Variants in CCDC146 observed in about 807,000 individuals in gnomAD.
The protein encoded by CCDC146 is coiled-coil domain containing 146.
CCDC146 carries 92 observed loss-of-function variants against 119.3 expected under a neutral mutation model. The observed-to-expected ratio is 0.77, with a 90% CI of 0.65 to 0.92. The LOEUF is 0.92. Among genes scored for constraint, CCDC146 ranks in the 40% least tolerant of loss-of-function variants. The pLI, the probability that CCDC146 is intolerant of heterozygous loss-of-function variation, is 0.00. For missense variants in CCDC146, 1,000 were observed against 1,103.0 expected, an observed-to-expected ratio of 0.91 and a Z score of 1.32; for synonymous variants, 372 against 371.8, an observed-to-expected ratio of 1.00 and a Z score of -0.01.
At position 77,259,296 on chromosome 7, in the gene CCDC146, C is replaced by A. The variant is rs1584119660; in HGVS notation, c.758+228C>A. 1.2e-5 allele frequency: 5 copies of A among 403,822 alleles called. No homozygotes were observed. The Admixed American group carries it at 1.7e-4, about 13-fold the overall frequency. 25.0% of individuals were successfully genotyped at this position (403,822 alleles called of 1,614,324 possible). ...TTAATTATGGGTCAAGATTCTGTTG[C>A]CAATTTATAAATCATATTTTTATGG... On this transcript the variant is annotated intron_variant, in intron 7 of 18. Transcript: ENST00000285871.
At chr7:77,155,083 A>T (rs914674323) in intron 1 of CCDC146, among the ~76,000 whole-genome samples, 1 of 152,228 alleles carries the variant, frequency 6.6e-6, no homozygotes, top group Non-Finnish European at 1.5e-5. Context: ...GCTGACTGCT[A>T]AATTATTTGG....
At position 77,250,828 on chromosome 7, in the gene CCDC146, CT is replaced by C. The variant is rs145334670; in HGVS notation, c.450-3662del. On this transcript the variant is annotated intron_variant, in intron 4 of 18. Transcript: ENST00000285871. ...TTGGATATTCTGGTATTTTCCTAGTCTTTTTTTTTTTTTTTTCCAGTTTGGG... is the reference window on the plus strand; with the variant it reads ...TTGGATATTCTGGTATTTTCCTAGTCTTTTTTTTTTTTTTTCCAGTTTGGG... 3.8e-3 allele frequency among the ~76,000 whole-genome samples: 500 copies of C among 133,208 alleles called. 3 individuals carry two copies. The highest frequency in any genetic ancestry group is 0.012 in the African/African-American group (436 of 35,738). 87.4% of individuals were successfully genotyped at this position (133,208 alleles called of 152,430 possible).
chr7:77,282,420 A>AG, intron 14 of CCDC146, 137 bp from the exon 15 acceptor site: 1 of 626,236 alleles, frequency 1.6e-6, no homozygotes, highest in South Asian at 2.1e-5. Flanking sequence ...CTAGAAAGCC[A>AG]TTGGTGACTA....
intron 9 of CCDC146, among the ~76,000 whole-genome samples, chr7:77,266,332 C>T (rs907469509): frequency 2.0e-5 from 3 of 152,172 alleles, no homozygotes; most frequent in African/African-American, 7.2e-5. Flanking sequence ...CTTCATGACT[C>T]ATTTCAGTGT....
At chr7:77,228,160 AT>A (rs1212877709) in intron 2 of CCDC146, among the ~76,000 whole-genome samples, 1 of 152,190 alleles carries the variant, frequency 6.6e-6, no homozygotes, top group African/African-American at 2.4e-5. Context: ...ACCATTATAT[AT>A]TTTTTAACCT....
chr7:77,178,051 A>G (rs1349839501), intron 2 of CCDC146, among the ~76,000 whole-genome samples: 2 of 152,236 alleles, frequency 1.3e-5, no homozygotes, highest in Admixed American at 1.3e-4. Flanking sequence ...AAGATTGAAT[A>G]TTGACACTAA....
chr7:77,195,652 A>C (rs1791853456), intron 2 of CCDC146: 1 of 152,018 alleles, frequency 6.6e-6, no homozygotes, highest in South Asian at 2.1e-4. Flanking sequence ...AGCCTACTGA[A>C]TAAATTTTAT....
At position 77,287,537 on chromosome 7, in the gene CCDC146, C is replaced by G. The variant is rs770526403; in HGVS notation, c.2375C>G (p.Thr792Ser). The G allele has an allele frequency of 1.9e-6, 3 of 1,613,948 alleles. No individual in the cohort carries two copies. Among genetic ancestry groups the G allele is most frequent in the South Asian group, 1.1e-5 (1 of 91,074 alleles). ...SRLTDRLCSK[T>S]QGCKQDTLLL... is the part of the protein sequence containing the mutation. ...CTCACAGACAGGCTCTGCAGCAAAA[C>G]TCAGGGCTGCAAGCAGGACACACTG... Residue 792 changes from threonine to serine, a missense_variant, in exon 17 of 19, where the codon ACT (threonine) becomes AGT (serine). Physicochemically the swap from Thr to Ser is moderately conservative, Grantham distance 58. Coordinates refer to ENST00000285871, the MANE Select transcript of CCDC146 (RefSeq NM_020879.3).
At chr7:77,221,160 T>C (rs909548858) in intron 2 of CCDC146, among the ~76,000 whole-genome samples, 10 of 152,034 alleles carry the variant, frequency 6.6e-5, no homozygotes, top group Non-Finnish European at 1.0e-4. Context: ...TCATAAAGGA[T>C]CCACCCCCAT....
intron 2 of CCDC146, among the ~76,000 whole-genome samples, chr7:77,221,104 G>A (rs182443329): frequency 6.6e-6 from 1 of 152,234 alleles, no homozygotes; most frequent in East Asian, 1.9e-4. Context: ...CAGATCTCAT[G>A]AGAACTCTAT....
chr7:77,178,181 G>A (rs1307844550), intron 2 of CCDC146, among the ~76,000 whole-genome samples: 3 of 152,198 alleles, frequency 2.0e-5, no homozygotes, highest in African/African-American at 7.2e-5. Flanking sequence ...GTGTTAGGAT[G>A]TCCTCCTCTT....
chr7:77,293,324 C>T lies in CCDC146; in HGVS notation c.2664+124C>T, dbSNP rs533876287. 3.6e-4 allele frequency: 362 copies of T among 999,014 alleles called. 4 individuals are homozygous for T. The South Asian group carries it at 5.4e-3, about 15-fold the overall frequency. The allele number at this position is 999,014 out of a possible 1,614,324, so 61.9% of individuals were successfully genotyped here. ...CTCTACCACACACAGTCCCAACAGT[C>T]GTTAGAAGTGTATTTAAGATATTCT... On this transcript the variant is annotated intron_variant, in intron 18 of 18. Coordinates refer to ENST00000285871, the MANE Select transcript of CCDC146 (RefSeq NM_020879.3).
At chr7:77,206,665 A>G in intron 2 of CCDC146, among the ~76,000 whole-genome samples, 1 of 145,860 alleles carries the variant, frequency 6.9e-6, no homozygotes, top group East Asian at 1.9e-4. Context: ...ATATATATAT[A>G]TATATATACA....
At chr7:77,221,051 A>T (rs1201063288) in intron 2 of CCDC146, among the ~76,000 whole-genome samples, 2 of 152,194 alleles carry the variant, frequency 1.3e-5, no homozygotes, top group African/African-American at 4.8e-5. Context: ...CAGGAACACA[A>T]GCAAGAGAGA....
intron 9 of CCDC146, among the ~76,000 whole-genome samples, chr7:77,273,440 T>C (rs1793563514): frequency 6.6e-6 from 1 of 152,216 alleles, no homozygotes; most frequent in South Asian, 2.1e-4. Context: ...TCTTATAAGA[T>C]TGAGATTCGT....
chr7:77,197,497 T>C (rs1791896734), intron 2 of CCDC146, among the ~76,000 whole-genome samples: 1 of 152,232 alleles, frequency 6.6e-6, no homozygotes, highest in Non-Finnish European at 1.5e-5. Flanking sequence ...TTTGTTCTCG[T>C]AATCATTGCA....
At chr7:77,174,793 T>C (rs1284275709) in intron 2 of CCDC146, among the ~76,000 whole-genome samples, 2 of 152,240 alleles carry the variant, frequency 1.3e-5, no homozygotes, top group African/African-American at 4.8e-5. Flanking sequence ...AAATGGATTA[T>C]TTCCTGTTTT....
chr7:77,200,776 C>T (rs1349294751), intron 2 of CCDC146, among the ~76,000 whole-genome samples: 1 of 152,204 alleles, frequency 6.6e-6, no homozygotes. Context: ...CTAACTTTCT[C>T]TTCAGAGGCT....
intron 1 of CCDC146, among the ~76,000 whole-genome samples, chr7:77,141,689 A>G (rs1004144876): frequency 3.3e-5 from 5 of 151,932 alleles, no homozygotes; most frequent in African/African-American, 9.7e-5. Flanking sequence ...GCTTTTTTTC[A>G]TATGTTTGTT....
Sources: allele counts gnomAD v4.1 joint callset (sites outside exome capture counted in the v4.1 genomes callset), GRCh38; gene constraint gnomAD v4.1.1; transcripts MANE v1.5; gene names NCBI Gene and HGNC (gene_info 2026-07-23, HGNC 2026-07-21).